COBL: variants seen among roughly 807,000 people sequenced by gnomAD.
COBL encodes the protein cordon-bleu WH2 repeat protein.
COBL carries 51 observed loss-of-function variants against 98.8 expected under a neutral mutation model. That is an observed-to-expected ratio of 0.52 (90% CI 0.41 to 0.65). The LOEUF (loss-of-function observed/expected upper bound fraction) is 0.65. COBL is among the 30% of genes least tolerant of loss of function. The pLI, the probability that COBL is intolerant of heterozygous loss-of-function variation, is 0.00. For synonymous variants in COBL, 634 were observed against 651.7 expected, an observed-to-expected ratio of 0.97 and a Z score of 0.41; for missense variants, 1,617 against 1,617.5, an observed-to-expected ratio of 1.00 and a Z score of 0.01.
intron 2 of COBL, among the ~76,000 whole-genome samples, chr7:51,215,747 C>G (rs1264136563): frequency 6.6e-6 from 1 of 152,230 alleles, no homozygotes; most frequent in Non-Finnish European, 1.5e-5. Flanking sequence ...TCCAAGAGTG[C>G]AAGGCCAAGG....
intron 7 of COBL, chr7:51,083,094 C>T: frequency 6.5e-7 from 1 of 1,534,756 alleles, no homozygotes; most frequent in Non-Finnish European, 8.7e-7. Flanking sequence ...GAACCAGCGC[C>T]TTCCCCGGGA....
At chr7:51,174,674 G>A (rs1394065859) in intron 5 of COBL, among the ~76,000 whole-genome samples, 2 of 152,090 alleles carry the variant, frequency 1.3e-5, no homozygotes, top group Admixed American at 6.5e-5. Context: ...CCCAACAAGG[G>A]ATAGCCAATC....
chr7:51,018,908 ATATATATATATATATATATATATATATAT>A (rs1562796049), intron 12 of COBL, among the ~76,000 whole-genome samples: 7,268 of 30,250 alleles, frequency 0.24, 1,371 homozygotes, highest in East Asian at 0.49. Context: ...AAAAAAAAAT[ATATATATATATATATATATATATATATAT>A]ATATATATAT....
chr7:51,146,412 TC>T (rs910199744), intron 5 of COBL, among the ~76,000 whole-genome samples: 2 of 152,188 alleles, frequency 1.3e-5, no homozygotes, highest in African/African-American at 4.8e-5. Context: ...CATACTCATC[TC>T]AAGGTCACCC....
intron 8 of COBL, among the ~76,000 whole-genome samples, chr7:51,036,708 T>C (rs1002826642): frequency 2.6e-5 from 4 of 152,160 alleles, no homozygotes; most frequent in Admixed American, 2.6e-4. Context: ...CAGGCTGAAA[T>C]GGGACATCGG....
chr7:51,111,521 C>T (rs1796819122), intron 6 of COBL, among the ~76,000 whole-genome samples: 2 of 152,172 alleles, frequency 1.3e-5, no homozygotes, highest in Admixed American at 6.5e-5. Flanking sequence ...TCCTGCTCTT[C>T]CAGTGGCCCT....
chr7:51,269,850 C>CT (rs1243452189), intron 1 of COBL, among the ~76,000 whole-genome samples: 1 of 152,210 alleles, frequency 6.6e-6, no homozygotes, highest in Admixed American at 6.5e-5. Flanking sequence ...AAGAGGTGCT[C>CT]TGTCTCCAGA....
In COBL at chr7:51,056,812, AACACACACAC is replaced by A. The variant is rs3047115; in HGVS notation, c.1097-13130_1097-13121del. ...CTATGCTTGTATACAGTGCTCTCCC[AACACACACAC>A]ACACACACACACACACACACACACA... On this transcript the variant is annotated intron_variant, in intron 7 of 12. Transcript: ENST00000265136. Among the ~76,000 whole-genome samples the A allele has an allele frequency of 1.6e-3, 233 of 143,676 alleles. 3 individuals are homozygous for A. Among genetic ancestry groups the A allele is most frequent in the African/African-American group, 5.5e-3 (214 of 38,914 alleles). 94.3% of individuals were successfully genotyped at this position (143,676 alleles called of 152,430 possible). A position where few individuals can be genotyped will look rare whatever the true frequency, so the allele number is the denominator to read the frequency against.
At chr7:51,166,512 T>G (rs749185381) in intron 5 of COBL, among the ~76,000 whole-genome samples, 2 of 152,102 alleles carry the variant, frequency 1.3e-5, no homozygotes, top group African/African-American at 2.4e-5. Context: ...CACTGCTAAA[T>G]TCTCCCAAAC....
rs77829829 is a variant in COBL at position 51,212,414 on chromosome 7, A to G, written c.245+7327T>C. 8.9e-3 allele frequency among the ~76,000 whole-genome samples: 1,348 copies of G among 152,248 alleles called. 12 individuals are homozygous for G. The highest frequency in any genetic ancestry group is 0.013 in the South Asian group (61 of 4,814). ...CAAAAGACTGCTTGGGGAACACACAATGTCAGAGAAGCCAAGTCCTACTTC... is the reference window on the plus strand; with the variant it reads ...CAAAAGACTGCTTGGGGAACACACAGTGTCAGAGAAGCCAAGTCCTACTTC... On this transcript the variant is annotated intron_variant, in intron 2 of 12. Coordinates refer to ENST00000265136, the MANE Select transcript of COBL (RefSeq NM_015198.5).
intron 1 of COBL, among the ~76,000 whole-genome samples, chr7:51,246,794 A>G (rs560832539): frequency 2.0e-5 from 3 of 152,340 alleles, no homozygotes; most frequent in Non-Finnish European, 4.4e-5. Context: ...GCAAGAACAA[A>G]TGGGCTTTTT....
chr7:51,061,950 T>TACACACACACAC (rs3047134), intron 7 of COBL, among the ~76,000 whole-genome samples: 6 of 145,446 alleles, frequency 4.1e-5, no homozygotes, highest in African/African-American at 1.6e-4. Context: ...CCACCATAGA[T>TACACACACACAC]ACACACACAC....
intron 4 of COBL, among the ~76,000 whole-genome samples, chr7:51,186,428 T>A (rs929753178): frequency 6.6e-6 from 1 of 152,194 alleles, no homozygotes; most frequent in African/African-American, 2.4e-5. Flanking sequence ...AATCGAGAAG[T>A]AGAGCATTTT....
rs140951823 is a variant in COBL, at chr7:51,249,463, C to T, written c.42-29519G>A. ...GCAGAGCATGGAATCCAGAAATGGA[C>T]ATGTCTTCCTAAATCCTTCAAAGAT... On this transcript the variant is annotated intron_variant, in intron 1 of 12. Coordinates refer to ENST00000265136, the MANE Select transcript of COBL (RefSeq NM_015198.5). Among the ~76,000 whole-genome samples, 75 of 152,306 alleles carry T rather than the reference C, an allele frequency of 4.9e-4. 1 individual carries two copies. The highest frequency in any genetic ancestry group is 1.2e-3 in the African/African-American group (50 of 41,582).
intron 4 of COBL, among the ~76,000 whole-genome samples, chr7:51,187,490 G>C (rs965605988): frequency 2.6e-5 from 4 of 152,036 alleles, no homozygotes; most frequent in Admixed American, 1.3e-4. Context: ...TGACAGAAAA[G>C]GTTAAATTTT....
Position 51,191,040 on chromosome 7 carries a change from T to C in COBL, c.495A>G (p.Gln165=). 6.2e-7 allele frequency: 1 copy of C among 1,614,158 alleles called. No homozygotes were observed. Among genetic ancestry groups the C allele is most frequent in the Non-Finnish European group, 8.5e-7 (1 of 1,180,038 alleles). Residue 165 remains glutamine (Q), a synonymous_variant, in exon 4 of 13, where the codon CAA becomes CAG. Transcript: ENST00000265136. ...VRLVVNYLRT[Q]KAVVRVSPEV... is the part of the protein sequence containing the mutation. The stretch of plus-strand genomic sequence containing the variant: ...CAGGGCTCACACGCACAACAGCTTT[T>C]TGTGTCCGCAGGTAATTCACGACCA...
intron 6 of COBL, among the ~76,000 whole-genome samples, chr7:51,129,305 C>T (rs56147012): frequency 0.017 from 2,586 of 151,764 alleles, 82 homozygotes; most frequent in African/African-American, 0.059. Flanking sequence ...TTGCTTTGCG[C>T]TCACATGGTG....
rs62448287 is a variant in COBL, at chr7:51,073,429, G to A, written c.1096+11737C>T. ...TGGCAAAATGTGAACGCACACTTGC[G>A]GTGAAATAAATATCTGCCATTATCA... On this transcript the variant is annotated intron_variant, in intron 7 of 12. Coordinates refer to ENST00000265136, the MANE Select transcript of COBL (RefSeq NM_015198.5). 738 of 647,740 alleles carry A rather than the reference G, an allele frequency of 1.1e-3. 1 individual carries two copies. Among genetic ancestry groups the A allele is most frequent in the Non-Finnish European group, 1.8e-3 (617 of 351,534 alleles). 40.1% of individuals were successfully genotyped at this position (647,740 alleles called of 1,614,324 possible). A position where few individuals can be genotyped will look rare whatever the true frequency, so the allele number is the denominator to read the frequency against.
At chr7:51,093,115 T>A (rs962572085) in intron 6 of COBL, among the ~76,000 whole-genome samples, 5 of 152,140 alleles carry the variant, frequency 3.3e-5, no homozygotes, top group Non-Finnish European at 4.4e-5. Context: ...TAGAAAATAT[T>A]TGCAAACCAT....
Sources: allele counts gnomAD v4.1 joint callset (sites outside exome capture counted in the v4.1 genomes callset), GRCh38; gene constraint gnomAD v4.1.1; transcripts MANE v1.5; gene names NCBI Gene and HGNC (gene_info 2026-07-23, HGNC 2026-07-21).